The following GPC5 variants were observed in gnomAD, a reference collection of about 807,000 sequenced individuals.
GPC5 encodes the protein glypican-5.
A neutral mutation model predicts 53.9 loss-of-function variants in GPC5; 47 were observed. The ratio of observed to expected loss-of-function variants is 0.87; its 90% CI spans 0.69 to 1.11. GPC5 has a LOEUF of 1.11. GPC5 is among the 50% of genes most tolerant of loss of function. The probability of loss-of-function intolerance (pLI) is 0.00; values close to 1 mark genes in which losing one functional copy is unlikely to be tolerated. For missense variants in GPC5, 748 were observed against 713.1 expected (o/e 1.05, Z -0.56); for synonymous variants, 286 against 263.3 (o/e 1.09, Z -0.84).
chr13:91,932,459 G>A (rs1455981336), intron 6 of GPC5, among the ~76,000 whole-genome samples: 1 of 152,036 alleles, frequency 6.6e-6, no homozygotes, highest in Non-Finnish European at 1.5e-5. Context: ...TCTTTGACAT[G>A]AAATGAAATC....
At chr13:92,531,980 C>T (rs182612495) in intron 7 of GPC5, among the ~76,000 whole-genome samples, 173 of 152,222 alleles carry the variant, frequency 1.1e-3, no homozygotes, top group African/African-American at 3.5e-3. Flanking sequence ...CTTGCACCTC[C>T]CCAGATGCAC....
Position 91,428,215 on chromosome 13 carries a change from C to T in GPC5, c.164-20546C>T, listed in dbSNP as rs545020353. On this transcript the variant is annotated intron_variant, in intron 1 of 7. Transcript: ENST00000377067. The stretch of plus-strand genomic sequence containing the variant: ...TGAGTTGTGAGTTCTTGTCTCATGA[C>T]CAAGAGGAATGAGGCATGCAGTCAC... 2.0e-5 allele frequency among the ~76,000 whole-genome samples: 3 copies of T among 152,210 alleles called. No individual in the cohort carries two copies. In the East Asian group the frequency reaches 5.8e-4, roughly 29 times the overall value.
chr13:91,710,988 G>T (rs2036212979), intron 3 of GPC5, among the ~76,000 whole-genome samples: 1 of 152,168 alleles, frequency 6.6e-6, no homozygotes, highest in African/African-American at 2.4e-5. Flanking sequence ...TAAAAGGAAT[G>T]CTTTTACACT....
At chr13:91,803,636 C>G (rs560261843) in intron 5 of GPC5, among the ~76,000 whole-genome samples, 2 of 152,032 alleles carry the variant, frequency 1.3e-5, no homozygotes, top group African/African-American at 4.8e-5. Context: ...CAGAATTTTT[C>G]GTAAGATTGT....
intron 6 of GPC5, among the ~76,000 whole-genome samples, chr13:92,018,741 T>C (rs1226382094): frequency 1.3e-5 from 2 of 152,252 alleles, no homozygotes; most frequent in East Asian, 3.9e-4. Context: ...TATGGGTTTT[T>C]ATAATTAGTT....
chr13:92,439,834 A>T (rs896900549), intron 7 of GPC5, among the ~76,000 whole-genome samples: 1 of 152,134 alleles, frequency 6.6e-6, no homozygotes, highest in African/African-American at 2.4e-5. Context: ...TTAGGTAGTC[A>T]GACCTCTCAG....
intron 3 of GPC5, among the ~76,000 whole-genome samples, chr13:91,719,930 G>A (rs1469867885): frequency 1.3e-5 from 2 of 151,772 alleles, no homozygotes; most frequent in African/African-American, 4.8e-5. Context: ...CTTGGATAAA[G>A]CTATAAAGAA....
chr13:92,556,741 T>C (rs1882507846), intron 7 of GPC5, among the ~76,000 whole-genome samples: 1 of 151,892 alleles, frequency 6.6e-6, no homozygotes, highest in African/African-American at 2.4e-5. Flanking sequence ...CAGAGAGCAA[T>C]TAAATTTGTA....
chr13:91,907,794 T>C, intron 5 of GPC5, 143 bp from the exon 6 acceptor site: 1 of 698,364 alleles, frequency 1.4e-6, no homozygotes, highest in South Asian at 1.9e-5. Flanking sequence ...ACATTACAGC[T>C]GTGCCAGTTT....
At chr13:91,976,075 A>C (rs1354076106) in intron 6 of GPC5, among the ~76,000 whole-genome samples, 1 of 152,166 alleles carries the variant, frequency 6.6e-6, no homozygotes, top group Non-Finnish European at 1.5e-5. Flanking sequence ...GAACAATGAG[A>C]ACACATGGAC....
At chr13:92,187,722 C>T (rs2042194137) in intron 7 of GPC5, among the ~76,000 whole-genome samples, 1 of 152,090 alleles carries the variant, frequency 6.6e-6, no homozygotes, top group Admixed American at 6.5e-5. Context: ...AATAATTTTA[C>T]TTTTGTCATA....
intron 2 of GPC5, among the ~76,000 whole-genome samples, chr13:91,512,743 TG>T (rs1885299833): frequency 6.6e-6 from 1 of 152,182 alleles, no homozygotes; most frequent in Admixed American, 6.5e-5. Context: ...TCATTAATGG[TG>T]GAATCATCTT....
intron 7 of GPC5, among the ~76,000 whole-genome samples, chr13:92,522,250 C>T (rs144208899): frequency 0.023 from 3,512 of 152,198 alleles, 152 homozygotes; most frequent in African/African-American, 0.08. Flanking sequence ...CCATTTGACC[C>T]AGCCATCCCA....
intron 6 of GPC5, among the ~76,000 whole-genome samples, chr13:91,976,919 G>C (rs1192645058): frequency 1.3e-5 from 2 of 152,040 alleles, no homozygotes; most frequent in Non-Finnish European, 2.9e-5. Flanking sequence ...CACACCTGTA[G>C]TCCCAGATGC....
intron 7 of GPC5, among the ~76,000 whole-genome samples, chr13:92,643,761 A>C (rs1885671455): frequency 6.7e-6 from 1 of 149,644 alleles, no homozygotes; most frequent in African/African-American, 2.4e-5. Flanking sequence ...TAGCATTGGG[A>C]GATATACCTA....
At chr13:92,651,370 T>G (rs978846831) in intron 7 of GPC5, among the ~76,000 whole-genome samples, 1 of 152,012 alleles carries the variant, frequency 6.6e-6, no homozygotes, top group African/African-American at 2.4e-5. Context: ...GTGATGAAAA[T>G]GGTACTTTTC....
At chr13:91,441,616 A>G (rs1322408015) in intron 1 of GPC5, among the ~76,000 whole-genome samples, 1 of 152,216 alleles carries the variant, frequency 6.6e-6, no homozygotes, top group Non-Finnish European at 1.5e-5. Flanking sequence ...AGAATATTCC[A>G]GCAGGAGGCA....
At chr13:92,123,669 T>G (rs1406618794) in intron 6 of GPC5, among the ~76,000 whole-genome samples, 1 of 152,198 alleles carries the variant, frequency 6.6e-6, no homozygotes, top group East Asian at 1.9e-4. Flanking sequence ...CGTCAGATTG[T>G]AAACAAGGGG....
chr13:92,182,680 C>T (rs1342677062), intron 7 of GPC5, among the ~76,000 whole-genome samples: 1 of 151,844 alleles, frequency 6.6e-6, no homozygotes, highest in Non-Finnish European at 1.5e-5. Flanking sequence ...TCCTGGCTAA[C>T]ACGGTGAAAC....
Sources: allele counts gnomAD v4.1 joint callset (sites outside exome capture counted in the v4.1 genomes callset), GRCh38; gene constraint gnomAD v4.1.1; transcripts MANE v1.5; gene names NCBI Gene and HGNC (gene_info 2026-07-23, HGNC 2026-07-21).